Variants in CAPN14 observed in about 807,000 individuals in gnomAD.
CAPN14 encodes the protein calpain 14, also known as calpain-14.
Under a neutral mutation model 101.3 loss-of-function variants are expected in CAPN14, and 94 were observed. That is an observed-to-expected ratio of 0.93 (90% CI 0.79 to 1.10). The LOEUF is 1.10. CAPN14 is among the 50% of genes least tolerant of loss of function. The pLI is 0.00. For synonymous variants in CAPN14, 338 were observed against 317.9 expected (o/e 1.06, Z -0.67); for missense variants, 837 against 828.4 (o/e 1.01, Z -0.13).
chr2:31,189,600 C>A, intron 12 of CAPN14, 122 bp from the exon 13 acceptor site: 4 of 773,198 alleles, frequency 5.2e-6, no homozygotes, highest in South Asian at 2.9e-5. Context: ...ATCCAATAGG[C>A]CCCAGTGGAG....
intron 10 of CAPN14, 74 bp downstream of exon 10, chr2:31,193,057 C>G (rs939921012): frequency 4.3e-6 from 6 of 1,396,590 alleles, no homozygotes; most frequent in Non-Finnish European, 5.8e-6. Flanking sequence ...CGTGCTGCAA[C>G]CCCCTGTGCA....
At chr2:31,204,448 G>A (rs1681966839) in intron 2 of CAPN14, among the ~76,000 whole-genome samples, 1 of 152,110 alleles carries the variant, frequency 6.6e-6, no homozygotes, top group African/African-American at 2.4e-5. Flanking sequence ...TTCAGGATAG[G>A]GTCTGGTCAT....
At chr2:31,209,995 T>C (rs572983199) in intron 1 of CAPN14, among the ~76,000 whole-genome samples, 7 of 152,214 alleles carry the variant, frequency 4.6e-5, no homozygotes, top group Non-Finnish European at 1.0e-4. Context: ...GTTTCCGTGT[T>C]GTCCAGGAAT....
intron 1 of CAPN14, among the ~76,000 whole-genome samples, chr2:31,232,439 C>A (rs609311): frequency 0.23 from 35,157 of 152,106 alleles, 5,145 homozygotes; most frequent in African/African-American, 0.42. Context: ...CCTCTGTATT[C>A]GTCTGTTTTC....
Position 31,202,117 on chromosome 2 carries a change from C to T in CAPN14, c.414+17G>A, listed in dbSNP as rs13426142. ...CCTATGACTCCCTCTGGGCTGAGGACCCGGGAAGACACTCACCCAGAACCG... is the reference window on the plus strand; with the variant it reads ...CCTATGACTCCCTCTGGGCTGAGGATCCGGGAAGACACTCACCCAGAACCG... On this transcript the variant is annotated intron_variant, in intron 4 of 21. Coordinates refer to ENST00000403897, the MANE Select transcript of CAPN14 (RefSeq NM_001145122.2). The T allele has an allele frequency of 9.3e-4, 1,441 of 1,550,636 alleles. 1 individual carries two copies. The highest frequency in any genetic ancestry group is 1.2e-3 in the Non-Finnish European group (1,391 of 1,145,922).
At chr2:31,227,818 G>A (rs1683068954) in intron 1 of CAPN14, among the ~76,000 whole-genome samples, 2 of 152,364 alleles carry the variant, frequency 1.3e-5, no homozygotes, top group African/African-American at 4.8e-5. Context: ...CTAGTTGGAA[G>A]GCAAACAATT....
chr2:31,221,785 T>C (rs1424850109), upstream of CAPN14, among the ~76,000 whole-genome samples: 1 of 152,278 alleles, frequency 6.6e-6, no homozygotes, highest in East Asian at 1.9e-4. Context: ...CCATGACTAA[T>C]TTCAAGGATA....
intron 1 of CAPN14, among the ~76,000 whole-genome samples, chr2:31,228,129 G>T (rs1683081610): frequency 6.6e-6 from 1 of 152,216 alleles, no homozygotes; most frequent in Non-Finnish European, 1.5e-5. Context: ...AGGATGCAAT[G>T]GTAGTTGGGC....
chr2:31,205,686 G>A (rs1192651459), intron 1 of CAPN14, among the ~76,000 whole-genome samples, 187 bp from the exon 2 acceptor site: 1 of 152,162 alleles, frequency 6.6e-6, no homozygotes, highest in African/African-American at 2.4e-5. Flanking sequence ...AGTGCTTGAG[G>A]ACCTGGTGGG....
At position 31,189,758 on chromosome 2, in the gene CAPN14, T is replaced by C. The variant is rs1681085561; in HGVS notation, c.1288-280A>G. On this transcript the variant is annotated intron_variant, in intron 12 of 21. Transcript: ENST00000403897. ...CACCAGCACTAAATGATGTGAGGAA[T>C]GTCCCTGTGCCTTCCATTTTATGGC... is the stretch of plus-strand genomic sequence containing the variant. 1.3e-5 allele frequency: 7 copies of C among 522,704 alleles called. No individual in the cohort carries two copies. The Admixed American group carries it at 1.6e-4, about 12-fold the overall frequency. 32.4% of individuals were successfully genotyped at this position (522,704 alleles called of 1,614,324 possible).
At chr2:31,204,665 G>A (rs1273647459) in intron 2 of CAPN14, among the ~76,000 whole-genome samples, 1 of 152,114 alleles carries the variant, frequency 6.6e-6, no homozygotes, top group Non-Finnish European at 1.5e-5. Context: ...TCCCTGGAGG[G>A]TGCCACAACC....
chr2:31,187,278 C>T (rs1680941874), intron 15 of CAPN14, among the ~76,000 whole-genome samples: 1 of 152,134 alleles, frequency 6.6e-6, no homozygotes, highest in Non-Finnish European at 1.5e-5. Flanking sequence ...GAAGAAGCCA[C>T]AGAAACCAAG....
At chr2:31,215,182 A>AT (rs1341349581) in intron 1 of CAPN14, among the ~76,000 whole-genome samples, 2 of 151,996 alleles carry the variant, frequency 1.3e-5, no homozygotes, top group Non-Finnish European at 2.9e-5. Context: ...AATCCTTCTG[A>AT]TTTTTTAAAA....
At chr2:31,205,946 A>C (rs1373732329) in intron 1 of CAPN14, among the ~76,000 whole-genome samples, 1 of 151,918 alleles carries the variant, frequency 6.6e-6, no homozygotes, top group Non-Finnish European at 1.5e-5. Context: ...CCTCCCAGCT[A>C]CAGACACACA....
intron 1 of CAPN14, among the ~76,000 whole-genome samples, chr2:31,211,474 GA>G (rs1226911350): frequency 2.0e-5 from 3 of 151,732 alleles, no homozygotes; most frequent in African/African-American, 7.3e-5. Flanking sequence ...AATGTATTAG[GA>G]AAAAAAATCT....
chr2:31,232,592 G>A (rs749907495), intron 1 of CAPN14, among the ~76,000 whole-genome samples: 5 of 152,248 alleles, frequency 3.3e-5, no homozygotes, highest in Admixed American at 1.3e-4. Flanking sequence ...TTCATAAGGC[G>A]GCAGGAGAGA....
chr2:31,210,367 G>T (rs1682331056), intron 1 of CAPN14, among the ~76,000 whole-genome samples: 2 of 152,298 alleles, frequency 1.3e-5, no homozygotes, highest in Admixed American at 1.3e-4. Context: ...AGAATGGTGT[G>T]AACCCGGGAG....
Position 31,204,650 on chromosome 2 carries a change from G to A in CAPN14, c.225+573C>T, listed in dbSNP as rs372052824. Reference sequence around the variant, plus strand: ...AGGAGCTCTGAATATCTGAACACACGGAGGTCCCTGGAGGGTGCCACAACC... The same window carrying A: ...AGGAGCTCTGAATATCTGAACACACAGAGGTCCCTGGAGGGTGCCACAACC... On this transcript the variant is annotated intron_variant, in intron 2 of 21. Transcript: ENST00000403897. Among the ~76,000 whole-genome samples, 312 of 152,174 alleles carry A rather than the reference G, an allele frequency of 2.1e-3. 1 individual carries two copies. The highest frequency in any genetic ancestry group is 6.9e-3 in the African/African-American group (286 of 41,518).
At chr2:31,204,356 T>C (rs1280627022) in intron 2 of CAPN14, among the ~76,000 whole-genome samples, 3 of 152,200 alleles carry the variant, frequency 2.0e-5, no homozygotes, top group African/African-American at 7.2e-5. Context: ...ATTCAGCTCC[T>C]AAAACCTTGG....
Sources: gnomAD v4.1 joint callset for allele counts (sites outside exome capture counted in the v4.1 genomes callset) on GRCh38, gnomAD v4.1.1 for gene constraint, MANE v1.5 for transcripts, NCBI Gene and HGNC (gene_info 2026-07-23, HGNC 2026-07-21) for gene names.